The following FUT8 variants were observed in gnomAD, a reference collection of about 807,000 sequenced individuals.
The protein encoded by FUT8 is fucosyltransferase 8, also known as alpha-(1,6)-fucosyltransferase.
FUT8 carries 29 observed loss-of-function variants against 71.3 expected under a neutral mutation model. The observed-to-expected ratio is 0.41, with a 90% CI of 0.30 to 0.55. The LOEUF (loss-of-function observed/expected upper bound fraction) is 0.55, where lower values mean the gene tolerates loss of function less well. Among genes scored for constraint, FUT8 ranks in the 20% least tolerant of loss-of-function variants. The pLI is 0.34. For missense variants in FUT8, 544 were observed against 702.1 expected, an observed-to-expected ratio of 0.77 and a Z score of 2.55; for synonymous variants, 254 against 239.3, an observed-to-expected ratio of 1.06 and a Z score of -0.57.
At chr14:65,451,231 C>T (rs1295816168) in intron 1 of FUT8, among the ~76,000 whole-genome samples, 1 of 152,228 alleles carries the variant, frequency 6.6e-6, no homozygotes, top group Non-Finnish European at 1.5e-5. Context: ...TGAATGAGTA[C>T]TGAAACCAGC....
rs139868755 is a variant in FUT8 at position 65,629,883 on chromosome 14, C to T, written c.597+277C>T. ...AATACAATACAAATATAACATCTTA[C>T]ATTTTATAGGAGAGAAATAGATGAA... is the stretch of plus-strand genomic sequence containing the variant. On this transcript the variant is annotated intron_variant, in intron 6 of 10. Transcript: ENST00000673929. 2.6e-5 allele frequency among the ~76,000 whole-genome samples: 4 copies of T among 151,698 alleles called. 1 individual carries two copies. Among genetic ancestry groups the T allele is most frequent in the Non-Finnish European group, 4.4e-5 (3 of 67,908 alleles).
chr14:65,542,441 A>G (rs1884729468), intron 2 of FUT8, among the ~76,000 whole-genome samples: 1 of 152,226 alleles, frequency 6.6e-6, no homozygotes, highest in African/African-American at 2.4e-5. Flanking sequence ...ACTGAGCCAT[A>G]GTATCCCACA....
chr14:65,710,829 G>A (rs903932079), intron 7 of FUT8, among the ~76,000 whole-genome samples: 2 of 152,186 alleles, frequency 1.3e-5, no homozygotes, highest in Non-Finnish European at 2.9e-5. Context: ...TCTGCGGGCT[G>A]TGTAAGAAGT....
intron 5 of FUT8, among the ~76,000 whole-genome samples, chr14:65,621,957 G>A (rs568507290): frequency 6.6e-6 from 1 of 151,870 alleles, no homozygotes; most frequent in East Asian, 1.9e-4. Flanking sequence ...CCGGGTAGCT[G>A]GGACTACAGG....
At chr14:65,380,686 G>T in the FUT8 span, among the ~76,000 whole-genome samples, 1 of 152,184 alleles carries the variant, frequency 6.6e-6, no homozygotes, top group Non-Finnish European at 1.5e-5. Flanking sequence ...GCTCTTTCAG[G>T]CAGGCTGGTC....
chr14:65,455,262 G>C (rs942992491), intron 1 of FUT8, among the ~76,000 whole-genome samples: 2 of 152,180 alleles, frequency 1.3e-5, no homozygotes, highest in Non-Finnish European at 2.9e-5. Context: ...AAAAGATTTT[G>C]AGCTTTGGTC....
At chr14:65,693,184 G>A (rs572917168) in intron 7 of FUT8, among the ~76,000 whole-genome samples, 50 of 152,312 alleles carry the variant, frequency 3.3e-4, no homozygotes, top group East Asian at 1.7e-3. Context: ...GTAGCGAGCC[G>A]AGATCACGCC....
At chr14:65,411,916 G>A, upstream of FUT8, 1 of 399,892 alleles carries the variant, frequency 2.5e-6, no homozygotes, top group Non-Finnish European at 4.9e-6. Flanking sequence ...CTCAGCTGGC[G>A]GTCTGGGCTG....
intron 2 of FUT8, among the ~76,000 whole-genome samples, chr14:65,535,390 T>C (rs943408720): frequency 5.9e-5 from 9 of 152,178 alleles, no homozygotes; most frequent in African/African-American, 2.2e-4. Context: ...TGTGAGGCAC[T>C]GTGCCCAGCT....
chr14:65,364,939 C>G, the FUT8 span, among the ~76,000 whole-genome samples: 2 of 152,136 alleles, frequency 1.3e-5, no homozygotes, highest in South Asian at 2.1e-4. Context: ...GAGGGCTTGC[C>G]GTCCACACAC....
intron 1 of FUT8, among the ~76,000 whole-genome samples, chr14:65,432,308 A>T (rs1338040055): frequency 1.3e-5 from 2 of 151,890 alleles, no homozygotes; most frequent in African/African-American, 4.8e-5. Context: ...CCAGCTGGAG[A>T]TTGTCATCTA....
At chr14:65,568,701 G>A (rs1280233307) in intron 3 of FUT8, among the ~76,000 whole-genome samples, 1 of 150,138 alleles carries the variant, frequency 6.7e-6, no homozygotes, top group African/African-American at 2.4e-5. Flanking sequence ...GTTGTTGAAT[G>A]CTTAAGAAAT....
At chr14:65,389,898 A>G in the FUT8 span, among the ~76,000 whole-genome samples, 22 of 151,278 alleles carry the variant, frequency 1.5e-4, no homozygotes, top group African/African-American at 4.8e-4. Flanking sequence ...TATAAGTACA[A>G]TTGGGAGGCT....
At chr14:65,493,192 G>A (rs951191790) in intron 2 of FUT8, among the ~76,000 whole-genome samples, 2 of 152,106 alleles carry the variant, frequency 1.3e-5, no homozygotes, top group African/African-American at 4.8e-5. Context: ...GAGGATTAAA[G>A]GGGGACTTTA....
intron 3 of FUT8, among the ~76,000 whole-genome samples, chr14:65,609,355 GTC>G (rs1888757486): frequency 6.6e-6 from 1 of 150,880 alleles, no homozygotes; most frequent in Admixed American, 6.6e-5. Flanking sequence ...TCTTAACTGT[GTC>G]TTTCTAAAAG....
At chr14:65,653,862 A>G (rs1158973112) in intron 6 of FUT8, among the ~76,000 whole-genome samples, 1 of 152,222 alleles carries the variant, frequency 6.6e-6, no homozygotes, top group African/African-American at 2.4e-5. Flanking sequence ...AAGAATTACC[A>G]TCCAGAATTT....
intron 2 of FUT8, chr14:65,529,203 A>G (rs754871506): frequency 6.5e-6 from 1 of 152,800 alleles, no homozygotes; most frequent in African/African-American, 2.4e-5. Flanking sequence ...TGGGGTTCTT[A>G]TTTTTACTCC....
the FUT8 span, among the ~76,000 whole-genome samples, chr14:65,359,431 A>G: frequency 6.6e-6 from 1 of 152,184 alleles, no homozygotes; most frequent in Admixed American, 6.5e-5. Context: ...AACCATCACC[A>G]CCATACATCT....
chr14:65,423,072 G>A (rs186021097), intron 1 of FUT8, among the ~76,000 whole-genome samples: 8 of 141,434 alleles, frequency 5.7e-5, no homozygotes, highest in African/African-American at 1.8e-4. Context: ...TGCAACCTCC[G>A]CCTTCCGAGT....
Sources: allele counts gnomAD v4.1 joint callset (sites outside exome capture counted in the v4.1 genomes callset), GRCh38; gene constraint gnomAD v4.1.1; transcripts MANE v1.5; gene names NCBI Gene and HGNC (gene_info 2026-07-23, HGNC 2026-07-21).